ASXL3: variants seen among roughly 807,000 people sequenced by gnomAD.
ASXL3 encodes the protein ASXL transcriptional regulator 3, also known as putative Polycomb group protein ASXL3.
ASXL3 carries 34 observed loss-of-function variants against 170.6 expected under a neutral mutation model. That is an observed-to-expected ratio of 0.20 (90% confidence interval 0.15 to 0.27). The LOEUF (loss-of-function observed/expected upper bound fraction) is 0.27, where lower values mean the gene tolerates loss of function less well. Among genes scored for constraint, ASXL3 ranks in the 10% least tolerant of loss-of-function variants. The pLI is 1.00. For missense variants in ASXL3, 2,592 were observed against 2,695.3 expected (o/e 0.96, Z 0.85); for synonymous variants, 1,002 against 989.1 (o/e 1.01, Z -0.24).
rs1020292905 is a variant in ASXL3, at chr18:33,667,321, C to T, written c.478-3352C>T. On this transcript the variant is annotated intron_variant, in intron 5 of 11. Transcript: ENST00000269197. ...GAATAACAAAATCAGGAAACCCTTT[C>T]CCAGTGAAATTTCTGATTTGAGACC... 1.6e-4 allele frequency among the ~76,000 whole-genome samples: 25 copies of T among 152,088 alleles called. 1 individual carries two copies. The highest frequency in any genetic ancestry group is 2.9e-4 in the Non-Finnish European group (20 of 68,012).
chr18:33,622,603 T>C (rs989685668), intron 2 of ASXL3, among the ~76,000 whole-genome samples: 1 of 152,144 alleles, frequency 6.6e-6, no homozygotes, highest in East Asian at 1.9e-4. Context: ...CTATGAGTTA[T>C]GAGATAGCTG....
chr18:33,581,016 G>A (rs1012392776), intron 1 of ASXL3, among the ~76,000 whole-genome samples: 1 of 152,074 alleles, frequency 6.6e-6, no homozygotes, highest in East Asian at 1.9e-4. Flanking sequence ...AGGAGAAATT[G>A]ATCCATTTGG....
At chr18:33,646,181 T>G in intron 3 of ASXL3, 64 bp from the exon 4 acceptor site, 1 of 1,246,964 alleles carries the variant, frequency 8.0e-7, no homozygotes, top group Non-Finnish European at 1.2e-6. Context: ...TCTGCAAGTA[T>G]TTTGAATGTT....
chr18:33,675,222 G>A (rs2066406698), intron 7 of ASXL3, among the ~76,000 whole-genome samples: 1 of 152,150 alleles, frequency 6.6e-6, no homozygotes, highest in Non-Finnish European at 1.5e-5. Context: ...CTATCTTCTT[G>A]AATAAAAATG....
chr18:33,594,208 A>G (rs1382376813), intron 1 of ASXL3, among the ~76,000 whole-genome samples: 1 of 152,236 alleles, frequency 6.6e-6, no homozygotes, highest in Non-Finnish European at 1.5e-5. Flanking sequence ...ATAATGCTGA[A>G]TGGCAACCTC....
chr18:33,691,053 CCT>C (rs1441795940), intron 8 of ASXL3, among the ~76,000 whole-genome samples: 1 of 152,158 alleles, frequency 6.6e-6, no homozygotes, highest in Non-Finnish European at 1.5e-5. Flanking sequence ...ATGCTTTAAG[CCT>C]CATACCTAGA....
intron 8 of ASXL3, among the ~76,000 whole-genome samples, chr18:33,697,489 C>T (rs372526286): frequency 2.6e-5 from 4 of 152,196 alleles, no homozygotes; most frequent in Admixed American, 6.6e-5. Context: ...TTTTTGGAAA[C>T]GGTTTGATAC....
At chr18:33,736,670 T>C (rs887314836) in intron 10 of ASXL3, among the ~76,000 whole-genome samples, 4 of 152,162 alleles carry the variant, frequency 2.6e-5, no homozygotes, top group South Asian at 2.1e-4. Context: ...CTAATCTCTT[T>C]GTAATATATT....
At chr18:33,685,248 C>A (rs1468211146) in intron 8 of ASXL3, among the ~76,000 whole-genome samples, 1 of 152,046 alleles carries the variant, frequency 6.6e-6, no homozygotes, top group African/African-American at 2.4e-5. Flanking sequence ...GTTTGATTTT[C>A]GAGGATTGAA....
chr18:33,661,557 A>G (rs921527226), intron 4 of ASXL3, 59 bp from the exon 5 acceptor site: 1 of 1,499,416 alleles, frequency 6.7e-7, no homozygotes, highest in Admixed American at 2.0e-5. Flanking sequence ...GTGTGTAATT[A>G]CAGTGGATAT....
At chr18:33,629,446 CAG>C (rs1041338086) in intron 2 of ASXL3, among the ~76,000 whole-genome samples, 4 of 152,060 alleles carry the variant, frequency 2.6e-5, no homozygotes, top group African/African-American at 7.2e-5. Flanking sequence ...TGAAGGGAAA[CAG>C]AAGAATATTT....
chr18:33,678,587 G>A (rs1207097774), intron 7 of ASXL3, among the ~76,000 whole-genome samples: 1 of 152,182 alleles, frequency 6.6e-6, no homozygotes, highest in African/African-American at 2.4e-5. Context: ...GATCAGTCAG[G>A]TGTCTTCTTG....
At chr18:33,677,937 T>A (rs1238075632) in intron 7 of ASXL3, among the ~76,000 whole-genome samples, 1 of 152,202 alleles carries the variant, frequency 6.6e-6, no homozygotes, top group African/African-American at 2.4e-5. Flanking sequence ...TTGTGTAAGC[T>A]GAAGTGCAGT....
intron 1 of ASXL3, among the ~76,000 whole-genome samples, chr18:33,603,613 T>C (rs1356076287): frequency 1.3e-5 from 2 of 151,908 alleles, no homozygotes; most frequent in African/African-American, 2.4e-5. Flanking sequence ...CTGTGAAAAA[T>C]AGATCCACCA....
intron 2 of ASXL3, among the ~76,000 whole-genome samples, chr18:33,616,204 A>G (rs961490764): frequency 6.6e-6 from 1 of 152,152 alleles, no homozygotes; most frequent in Non-Finnish European, 1.5e-5. Flanking sequence ...ACCCAGCAAG[A>G]TCAGGTTTCA....
At chr18:33,598,019 A>G (rs1310040527) in intron 1 of ASXL3, among the ~76,000 whole-genome samples, 1 of 152,130 alleles carries the variant, frequency 6.6e-6, no homozygotes, top group Non-Finnish European at 1.5e-5. Flanking sequence ...GCTGCTCTTC[A>G]CGTTATCCTG....
intron 2 of ASXL3, among the ~76,000 whole-genome samples, chr18:33,622,220 C>T (rs1336349995): frequency 6.6e-6 from 1 of 152,062 alleles, no homozygotes; most frequent in African/African-American, 2.4e-5. Context: ...TAATTCAGAG[C>T]TATCAAATGC....
chr18:33,648,295 A>G (rs1173239709), intron 4 of ASXL3, among the ~76,000 whole-genome samples: 3 of 152,196 alleles, frequency 2.0e-5, no homozygotes, highest in African/African-American at 7.2e-5. Context: ...GATTTGAAGG[A>G]AAGTACTAGC....
rs2067608330 is a variant in ASXL3 at position 33,739,248 on chromosome 18, C to T, written c.1844C>T (p.Ser615Phe). 6.2e-7 allele frequency: 1 copy of T among 1,613,802 alleles called. No homozygotes were observed. The highest frequency in any genetic ancestry group is 8.5e-7 in the Non-Finnish European group (1 of 1,179,830). Residue 615 changes from serine (S) to phenylalanine (F), a missense_variant, in exon 11 of 12, where the codon TCT (serine) becomes TTT (phenylalanine). By Grantham distance (155) the Ser-to-Phe change is radical. Coordinates refer to ENST00000269197, the MANE Select transcript of ASXL3 (RefSeq NM_030632.3). ...NACISETSFS[S>F]ESPEGACTSL... ...TGCATCTCTGAAACGTCCTTTTCTT[C>T]TGAGAGCCCAGAGGGAGCCTGTACC...
Sources: gnomAD v4.1 joint callset for allele counts (sites outside exome capture counted in the v4.1 genomes callset) on GRCh38, gnomAD v4.1.1 for gene constraint, MANE v1.5 for transcripts, NCBI Gene and HGNC (gene_info 2026-07-23, HGNC 2026-07-21) for gene names.